Variants in RARB observed in about 807,000 individuals in gnomAD.
The protein encoded by RARB is HBV-activated protein.
RARB carries 17 observed loss-of-function variants against 51.9 expected under a neutral mutation model. The ratio of observed to expected loss-of-function variants is 0.33; its 90% CI spans 0.22 to 0.49. The LOEUF (loss-of-function observed/expected upper bound fraction) is 0.49, where lower values mean the gene tolerates loss of function less well. Ranked by LOEUF, RARB falls within the 20% of genes least tolerant of loss-of-function variation. The pLI is 0.99. For missense variants in RARB, 369 were observed against 550.8 expected, an observed-to-expected ratio of 0.67 and a Z score of 3.30; for synonymous variants, 215 against 195.4, an observed-to-expected ratio of 1.10 and a Z score of -0.84.
At chr3:25,162,180 T>A (rs746745386) in intron 4 of RARB, among the ~76,000 whole-genome samples, 6 of 152,208 alleles carry the variant, frequency 3.9e-5, no homozygotes, top group Non-Finnish European at 8.8e-5. Context: ...TCATAGCTCA[T>A]GCAGCCTCAA....
chr3:24,940,747 G>T (rs1472227801), intron 2 of RARB, among the ~76,000 whole-genome samples: 1 of 152,168 alleles, frequency 6.6e-6, no homozygotes, highest in African/African-American at 2.4e-5. Context: ...CAGGAAGTGG[G>T]GAAAGCATGA....
At chr3:25,362,535 G>A (rs57064248) in intron 5 of RARB, among the ~76,000 whole-genome samples, 7,001 of 152,232 alleles carry the variant, frequency 0.046, 168 homozygotes, top group Middle Eastern at 0.068. Flanking sequence ...AAATACTTCT[G>A]CAGCTAGCTC....
At chr3:25,212,511 G>C (rs9881050) in intron 5 of RARB, among the ~76,000 whole-genome samples, 122,063 of 151,900 alleles carry the variant, frequency 0.8, 49,234 homozygotes, top group Admixed American at 0.84. Flanking sequence ...CCAGCTACCC[G>C]GGAGGCTGAG....
At chr3:25,544,843 T>C (rs1699551240) in intron 3 of RARB, among the ~76,000 whole-genome samples, 1 of 152,256 alleles carries the variant, frequency 6.6e-6, no homozygotes, top group Admixed American at 6.5e-5. Context: ...GCAGTTGCTA[T>C]GACAGAATCT....
intron 4 of RARB, among the ~76,000 whole-genome samples, chr3:25,165,991 TA>T (rs888150217): frequency 7.9e-5 from 12 of 152,076 alleles, no homozygotes; most frequent in African/African-American, 2.7e-4. Flanking sequence ...CTAAGCTTCT[TA>T]AAAAAAATTT....
At chr3:25,537,280 T>G (rs1699179975) in intron 3 of RARB, among the ~76,000 whole-genome samples, 1 of 152,224 alleles carries the variant, frequency 6.6e-6, no homozygotes, top group South Asian at 2.1e-4. Flanking sequence ...TTTAAGCTCA[T>G]GCCAAGCTAA....
intron 2 of RARB, among the ~76,000 whole-genome samples, chr3:24,879,771 G>T (rs1480556367): frequency 3.3e-5 from 5 of 152,162 alleles, no homozygotes; most frequent in Non-Finnish European, 7.3e-5. Context: ...GGATTTCCCA[G>T]TTCTCAGTGG....
At chr3:25,453,164 A>G (rs527738372) in intron 1 of RARB, among the ~76,000 whole-genome samples, 98 of 151,912 alleles carry the variant, frequency 6.5e-4, no homozygotes, top group Non-Finnish European at 9.9e-4. Context: ...TCAGACATCA[A>G]TGTGCGTAAA....
chr3:25,063,229 A>T (rs190899481), intron 3 of RARB, among the ~76,000 whole-genome samples: 62 of 152,072 alleles, frequency 4.1e-4, no homozygotes, highest in Non-Finnish European at 8.8e-5. Context: ...AAATCATACA[A>T]ATTGTATTTT....
At chr3:25,365,708 T>A (rs1242936067) in intron 5 of RARB, among the ~76,000 whole-genome samples, 1 of 152,188 alleles carries the variant, frequency 6.6e-6, no homozygotes, top group African/African-American at 2.4e-5. Context: ...CTAGGATAAT[T>A]CAAAGGTTGA....
intron 5 of RARB, among the ~76,000 whole-genome samples, chr3:25,339,676 A>G (rs1169307419): frequency 2.0e-5 from 3 of 151,740 alleles, no homozygotes; most frequent in East Asian, 1.9e-4. Flanking sequence ...CCACAAAGGC[A>G]CAGGGATCTT....
chr3:25,420,864 A>C (rs1707837937), intron 5 of RARB, among the ~76,000 whole-genome samples: 1 of 152,052 alleles, frequency 6.6e-6, no homozygotes, highest in Non-Finnish European at 1.5e-5. Flanking sequence ...GGATGGATGG[A>C]TGGAAAGATA....
At chr3:24,900,829 G>A (rs1476711068) in intron 2 of RARB, among the ~76,000 whole-genome samples, 1 of 152,076 alleles carries the variant, frequency 6.6e-6, no homozygotes, top group Non-Finnish European at 1.5e-5. Context: ...TAAAATTTCA[G>A]GGAAAAGTTG....
intron 2 of RARB, among the ~76,000 whole-genome samples, chr3:25,482,794 C>G (rs1196615710): frequency 6.6e-6 from 1 of 151,996 alleles, no homozygotes; most frequent in Non-Finnish European, 1.5e-5. Flanking sequence ...CCAGCTCGGC[C>G]TCCCAAAGTG....
At chr3:24,944,837 T>C (rs901422866) in intron 2 of RARB, among the ~76,000 whole-genome samples, 2 of 152,208 alleles carry the variant, frequency 1.3e-5, no homozygotes, top group African/African-American at 4.8e-5. Flanking sequence ...ACTTCAATGA[T>C]AGAACATTAT....
At chr3:25,176,376 TC>T (rs1466289840) in intron 5 of RARB, among the ~76,000 whole-genome samples, 12 of 131,588 alleles carry the variant, frequency 9.1e-5, no homozygotes, top group African/African-American at 2.8e-4. Context: ...CTTCCTTCCT[TC>T]CTTCCTTCCT....
In RARB at chr3:25,244,496, A is replaced by G. The variant is rs183930147; in HGVS notation, c.178+69921A>G. Among the ~76,000 whole-genome samples the G allele has an allele frequency of 3.2e-4, 48 of 152,144 alleles. 3 individuals carry two copies. In the East Asian group the frequency reaches 9.3e-3, roughly 29 times the overall value. The stretch of plus-strand genomic sequence containing the variant: ...ACACTGCTTTAGCTGTGTCTAAGAG[A>G]TTCTTGTACATTGTGTCTTTGTTCT... On this transcript the variant is annotated intron_variant, in intron 5 of 11. Transcript: ENST00000383772.
At chr3:25,030,154 A>G (rs769965486) in intron 2 of RARB, among the ~76,000 whole-genome samples, 2 of 152,226 alleles carry the variant, frequency 1.3e-5, no homozygotes, top group African/African-American at 2.4e-5. Context: ...ACTGGAAAAT[A>G]ATAATTACCT....
At chr3:25,460,780 G>A (rs917213290) in intron 1 of RARB, among the ~76,000 whole-genome samples, 5 of 152,154 alleles carry the variant, frequency 3.3e-5, no homozygotes, top group Non-Finnish European at 5.9e-5. Context: ...AGGTCAAGTC[G>A]TTTGAGATTC....
Sources: gnomAD v4.1 joint callset for allele counts (sites outside exome capture counted in the v4.1 genomes callset) on GRCh38, gnomAD v4.1.1 for gene constraint, MANE v1.5 for transcripts, NCBI Gene and HGNC (gene_info 2026-07-23, HGNC 2026-07-21) for gene names.